The following SLC22A3 variants were observed in gnomAD, a reference collection of about 807,000 sequenced individuals.
The protein encoded by SLC22A3 is solute carrier family 22 member 3.
SLC22A3 carries 51 observed loss-of-function variants against 59.1 expected under a neutral mutation model. That is an observed-to-expected ratio of 0.86 (90% CI 0.69 to 1.09). SLC22A3 has a LOEUF of 1.09. SLC22A3 is among the 50% of genes least tolerant of loss of function. The probability of loss-of-function intolerance (pLI) is 0.00; values close to 1 mark genes in which losing one functional copy is unlikely to be tolerated. For missense variants in SLC22A3, 711 were observed against 726.3 expected (o/e 0.98, Z 0.24); for synonymous variants, 325 against 292.0 (o/e 1.11, Z -1.15).
rs1788636299 is a variant in SLC22A3, at chr6:160,443,725, T to C, written c.1493T>C (p.Leu498Pro). ...LFRLAAVWLELPLIIFGILAS... is the reference protein window; with the variant it reads ...LFRLAAVWLEPPLIIFGILAS... ...CGGCTAGCAGCCGTGTGGCTAGAAC[T>C]ACCTCTGATCATCTTTGGTAAGAAC... Residue 498 changes from leucine (L) to proline (P), a missense_variant, in exon 9 of 11, where the codon CTA becomes CCA. Physicochemically the swap from Leu to Pro is moderately conservative, Grantham distance 98. Coordinates refer to ENST00000275300, the MANE Select transcript of SLC22A3 (RefSeq NM_021977.4). 1 of 1,609,980 alleles carries C rather than the reference T, an allele frequency of 6.2e-7. No individual in the cohort carries two copies. The highest frequency in any genetic ancestry group is 8.5e-7 in the Non-Finnish European group (1 of 1,177,518).
intron 1 of SLC22A3, among the ~76,000 whole-genome samples, chr6:160,373,322 TA>T: frequency 6.6e-6 from 1 of 152,310 alleles, no homozygotes; most frequent in Non-Finnish European, 1.5e-5. Context: ...TTTGCCTGGG[TA>T]TCACCAGTGG....
chr6:160,410,318 G>A (rs1644886705), intron 4 of SLC22A3, among the ~76,000 whole-genome samples: 1 of 152,124 alleles, frequency 6.6e-6, no homozygotes, highest in Non-Finnish European at 1.5e-5. Context: ...CACCCAGCCA[G>A]CATTTGATTT....
rs551285688 is a variant in SLC22A3 at position 160,349,251 on chromosome 6, G to C, written c.429+403G>C. On this transcript the variant is annotated intron_variant, in intron 1 of 10. Transcript: ENST00000275300. ...GATAGGGAACTTCAGTCTCTGGGGT[G>C]AGCGACGTTGGCAGTTCCGGATTCG... 2.0e-5 allele frequency among the ~76,000 whole-genome samples: 3 copies of C among 152,324 alleles called. No homozygotes were observed. In the South Asian group the frequency reaches 6.2e-4, roughly 32 times the overall value.
intron 1 of SLC22A3, among the ~76,000 whole-genome samples, chr6:160,386,822 G>A (rs1786039437): frequency 6.6e-6 from 1 of 152,242 alleles, no homozygotes; most frequent in Non-Finnish European, 1.5e-5. Flanking sequence ...TATGGGACTG[G>A]AATCTGTGGA....
intron 1 of SLC22A3, among the ~76,000 whole-genome samples, chr6:160,391,216 A>C (rs2114817463): frequency 6.6e-6 from 1 of 152,292 alleles, no homozygotes; most frequent in African/African-American, 2.4e-5. Context: ...CAGTCCTATA[A>C]AATACGCTGA....
intron 8 of SLC22A3, among the ~76,000 whole-genome samples, chr6:160,443,380 G>T (rs144845190): frequency 2.3e-3 from 353 of 152,340 alleles, no homozygotes; most frequent in African/African-American, 8.2e-3. Context: ...GTGACCCAGA[G>T]CAGGCAGGGC....
chr6:160,445,774 A>G (rs1788715788), intron 9 of SLC22A3, among the ~76,000 whole-genome samples: 2 of 152,222 alleles, frequency 1.3e-5, no homozygotes, highest in African/African-American at 2.4e-5. Flanking sequence ...CCTGGGGAGA[A>G]GCAGGTGGCA....
chr6:160,382,368 A>G (rs1431082418), intron 1 of SLC22A3, among the ~76,000 whole-genome samples: 3 of 152,220 alleles, frequency 2.0e-5, no homozygotes, highest in Admixed American at 6.5e-5. Context: ...TACTTGGCTG[A>G]CCACCAACTT....
chr6:160,404,406 A>C (rs959442444), intron 2 of SLC22A3, among the ~76,000 whole-genome samples: 2 of 152,130 alleles, frequency 1.3e-5, no homozygotes, highest in African/African-American at 4.8e-5. Context: ...GATTTATGTG[A>C]GGAAAAGTGC....
At chr6:160,378,126 C>A (rs567450880) in intron 1 of SLC22A3, among the ~76,000 whole-genome samples, 13 of 152,072 alleles carry the variant, frequency 8.5e-5, no homozygotes, top group Non-Finnish European at 1.9e-4. Context: ...TATGTGTGAA[C>A]AAAACTGAGG....
intron 1 of SLC22A3, among the ~76,000 whole-genome samples, chr6:160,384,951 T>G (rs1019767520): frequency 3.3e-5 from 5 of 152,226 alleles, no homozygotes; most frequent in African/African-American, 1.2e-4. Context: ...GCTCTCAGGT[T>G]CCTGGTGCAT....
intron 1 of SLC22A3, among the ~76,000 whole-genome samples, chr6:160,395,454 T>C (rs1786433668): frequency 6.6e-6 from 1 of 152,204 alleles, no homozygotes; most frequent in South Asian, 2.1e-4. Context: ...TTGACACTGG[T>C]TGATACTTTT....
chr6:160,442,690 TTTG>T (rs1203954978), intron 7 of SLC22A3, 68 bp from the exon 8 acceptor site: 4 of 1,166,742 alleles, frequency 3.4e-6, no homozygotes, highest in Non-Finnish European at 5.2e-6. Flanking sequence ...GCAAATACTT[TTTG>T]TTGTTCTGTA....
At chr6:160,377,211 G>A (rs980215787) in intron 1 of SLC22A3, among the ~76,000 whole-genome samples, 5 of 152,162 alleles carry the variant, frequency 3.3e-5, no homozygotes, top group African/African-American at 4.8e-5. Context: ...GTGGGCTGGC[G>A]TGGTGGCTCA....
At chr6:160,367,655 G>A (rs1258058561) in intron 1 of SLC22A3, among the ~76,000 whole-genome samples, 2 of 152,150 alleles carry the variant, frequency 1.3e-5, no homozygotes, top group Non-Finnish European at 2.9e-5. Flanking sequence ...TTGTCATCCT[G>A]GAAGCCCTGC....
In SLC22A3 at chr6:160,404,866, C is replaced by CAA. The variant is rs35421179; in HGVS notation, c.534-2160_534-2159dup. On this transcript the variant is annotated intron_variant, in intron 2 of 10. Coordinates refer to ENST00000275300, the MANE Select transcript of SLC22A3 (RefSeq NM_021977.4). ...ACTGGAACAACTGGACAACCACATG[C>CAA]AAAAAAAAAAAAAAAATGAATCTAG... Among the ~76,000 whole-genome samples the CAA allele has an allele frequency of 1.7e-3, 181 of 107,208 alleles. 1 individual carries two copies. The highest frequency in any genetic ancestry group is 5.8e-3 in the African/African-American group (164 of 28,404). 70.3% of individuals were successfully genotyped at this position (107,208 alleles called of 152,430 possible).
chr6:160,377,098 A>C (rs2114786599), intron 1 of SLC22A3, among the ~76,000 whole-genome samples: 1 of 152,284 alleles, frequency 6.6e-6, no homozygotes, highest in Admixed American at 6.5e-5. Context: ...GGAGACTAGA[A>C]ACAAGATCTT....
intron 1 of SLC22A3, among the ~76,000 whole-genome samples, chr6:160,368,498 TAA>T (rs1351313140): frequency 6.6e-6 from 1 of 152,182 alleles, no homozygotes; most frequent in East Asian, 1.9e-4. Context: ...TAAACCTGCT[TAA>T]GTTCACCTGC....
intron 10 of SLC22A3, among the ~76,000 whole-genome samples, chr6:160,448,776 A>G (rs562836494): frequency 4.5e-4 from 68 of 152,286 alleles, no homozygotes; most frequent in Non-Finnish European, 7.5e-4. Flanking sequence ...CCCTCTGTGG[A>G]CACAAATGGG....
Sources: allele counts gnomAD v4.1 joint callset (sites outside exome capture counted in the v4.1 genomes callset), GRCh38; gene constraint gnomAD v4.1.1; transcripts MANE v1.5; gene names NCBI Gene and HGNC (gene_info 2026-07-23, HGNC 2026-07-21).